RPL38: variants seen among roughly 807,000 people sequenced by gnomAD.
RPL38 encodes the protein large ribosomal subunit protein eL38.
In RPL38, 2 loss-of-function variants were observed where a neutral mutation model predicts 12.8. That is an observed-to-expected ratio of 0.16 (90% confidence interval 0.06 to 0.49). The LOEUF is 0.49. RPL38 is among the 20% of genes least tolerant of loss of function. The pLI is 0.96. For synonymous variants in RPL38, 42 were observed against 30.1 expected, an observed-to-expected ratio of 1.39 and a Z score of -1.29; for missense variants, 52 against 79.8, an observed-to-expected ratio of 0.65 and a Z score of 1.33.
At chr17:74,208,045 C>T (rs1433625909) in intron 3 of RPL38, among the ~76,000 whole-genome samples, 1 of 152,174 alleles carries the variant, frequency 6.6e-6, no homozygotes, top group Admixed American at 6.5e-5. Flanking sequence ...TGCCGAATTG[C>T]TAGGACAAGA....
At position 74,210,655 on chromosome 17, in the gene RPL38, A is replaced by C. The variant is rs746981565; in HGVS notation, c.*826A>C. 9 of 152,208 alleles carry C rather than the reference A, an allele frequency of 5.9e-5. No homozygotes were observed. Among genetic ancestry groups the C allele is most frequent in the Non-Finnish European group, 7.4e-5 (5 of 68,012 alleles). 9.4% of individuals were successfully genotyped at this position (152,208 alleles called of 1,614,324 possible). A position where few individuals can be genotyped will look rare whatever the true frequency, so the allele number is the denominator to read the frequency against. On this transcript the variant is annotated 3_prime_UTR_variant, in exon 5 of 5. Coordinates refer to ENST00000311111, the MANE Select transcript of RPL38 (RefSeq NM_000999.4). ...ATCATAAAATCTGTCTTCATACCCG[A>C]GGTAGTGTTTTTTGTTTTTTTAAGA...
In RPL38 at chr17:74,209,818, G is replaced by C; in HGVS notation, c.202G>C (p.Glu68Gln). Residue 68 changes from glutamate to glutamine, a missense_variant, in exon 5 of 5, where the codon GAA (glutamate) becomes CAA (glutamine). Glu to Gln is a conservative substitution (Grantham distance 29). Transcript: ENST00000311111. ...QSLPPGLAVK[E>Q]LK The stretch of plus-strand genomic sequence containing the variant: ...TTTCCCTCTAGGTTTGGCAGTGAAG[G>C]AACTGAAATGAACCAGACACACTGA... 1 of 1,612,002 alleles carries C rather than the reference G, an allele frequency of 6.2e-7. No individual in the cohort carries two copies. Among genetic ancestry groups the C allele is most frequent in the Non-Finnish European group, 8.5e-7 (1 of 1,178,128 alleles).
intron 3 of RPL38, among the ~76,000 whole-genome samples, chr17:74,207,399 T>C (rs1229981550): frequency 6.6e-6 from 1 of 152,244 alleles, no homozygotes; most frequent in Non-Finnish European, 1.5e-5. Flanking sequence ...TTCTACATTT[T>C]CGCTAGTGTG....
chr17:74,205,474 T>C (rs761957668), intron 3 of RPL38: 1 of 152,184 alleles, frequency 6.6e-6, no homozygotes, highest in South Asian at 2.1e-4. Flanking sequence ...TAGGCAGAGA[T>C]GGGGGTCATA....
In RPL38 at chr17:74,206,745, C is replaced by T. The variant is rs565749161; in HGVS notation, c.65-2442C>T. 2.4e-4 allele frequency among the ~76,000 whole-genome samples: 31 copies of T among 128,456 alleles called. 1 individual carries two copies. Among genetic ancestry groups the T allele is most frequent in the Non-Finnish European group, 3.5e-4 (22 of 63,408 alleles). The allele number at this position is 128,456 out of a possible 152,430, so 84.3% of individuals were successfully genotyped here. A position where few individuals can be genotyped will look rare whatever the true frequency, so the allele number is the denominator to read the frequency against. On this transcript the variant is annotated intron_variant, in intron 3 of 4. Transcript: ENST00000311111. ...TTTTTTTTTTTGACATGGAATGTCA[C>T]TCTGTTGCCCAGACTGGAGAGCAGT...
At chr17:74,205,087 C>T (rs1379572970) in intron 3 of RPL38, 1 of 152,230 alleles carries the variant, frequency 6.6e-6, no homozygotes, top group African/African-American at 2.4e-5. Context: ...TGTTTCCCAG[C>T]TTGTACATAC....
At position 74,209,892 on chromosome 17, in the gene RPL38, C is replaced by T. The variant is rs2050149740; in HGVS notation, c.*63C>T. The T allele has an allele frequency of 7.0e-7, 1 of 1,433,558 alleles. No individual in the cohort carries two copies. Among genetic ancestry groups the T allele is most frequent in the Admixed American group, 1.7e-5 (1 of 59,158 alleles). 88.8% of individuals were successfully genotyped at this position (1,433,558 alleles called of 1,614,324 possible). On this transcript the variant is annotated 3_prime_UTR_variant, in exon 5 of 5. Coordinates refer to ENST00000311111, the MANE Select transcript of RPL38 (RefSeq NM_000999.4). ...ACTAAAAATCCTAAGTGTCTTTCGT[C>T]TTTGCGGATGGGAAAGGGAAAAATG... is the stretch of plus-strand genomic sequence containing the variant.
In RPL38 at chr17:74,209,691, G is replaced by C. The variant is rs2050147190; in HGVS notation, c.188-113G>C. 53 of 887,688 alleles carry C rather than the reference G, an allele frequency of 6.0e-5. 1 individual carries two copies. The South Asian group carries it at 7.1e-4, about 12-fold the overall frequency. The allele number at this position is 887,688 out of a possible 1,614,324, so 55.0% of individuals were successfully genotyped here. On this transcript the variant is annotated intron_variant, in intron 4 of 4. Transcript: ENST00000311111. ...TATTTTAACCGAAACTTCGCTGGTG[G>C]ATCTAATTTCTGAACCTTGTGTGCT... is the stretch of plus-strand genomic sequence containing the variant.
rs560412768 is a variant in RPL38 at position 74,206,369 on chromosome 17, G to A, written c.64+2179G>A. On this transcript the variant is annotated intron_variant, in intron 3 of 4. Transcript: ENST00000311111. ...GGATTGCTTGAATCCAGGAAATTGA[G>A]GCTATAGTGAGCCACGATTATGCTA... The A allele has an allele frequency of 2.6e-5, 4 of 152,174 alleles. No homozygotes were observed. The South Asian group carries it at 8.3e-4, about 32-fold the overall frequency. The allele number at this position is 152,174 out of a possible 1,614,324, so 9.4% of individuals were successfully genotyped here. A position where few individuals can be genotyped will look rare whatever the true frequency, so the allele number is the denominator to read the frequency against.
At position 74,203,712 on chromosome 17, in the gene RPL38, T is replaced by C; in HGVS notation, c.-72T>C. Reference sequence around the variant, plus strand: ...CCTTTTCCCCGGTTGCTGCTTGCTGTGAGTGTCTCTAGGGTGATACGTGGG... The same window carrying C: ...CCTTTTCCCCGGTTGCTGCTTGCTGCGAGTGTCTCTAGGGTGATACGTGGG... On this transcript the variant is annotated 5_prime_UTR_variant, in exon 1 of 5. Coordinates refer to ENST00000311111, the MANE Select transcript of RPL38 (RefSeq NM_000999.4). 1.9e-6 allele frequency: 1 copy of C among 519,902 alleles called. No individual in the cohort carries two copies. Among genetic ancestry groups the C allele is most frequent in the South Asian group, 3.2e-5 (1 of 31,432 alleles). The allele number at this position is 519,902 out of a possible 1,614,324, so 32.2% of individuals were successfully genotyped here.
rs80007821 is a variant in RPL38, at chr17:74,210,276, C to T, written c.*447C>T. 30 of 155,498 alleles carry T rather than the reference C, an allele frequency of 1.9e-4. No homozygotes were observed. The East Asian group carries it at 4.9e-3, about 26-fold the overall frequency. 9.6% of individuals were successfully genotyped at this position (155,498 alleles called of 1,614,324 possible). On this transcript the variant is annotated 3_prime_UTR_variant, in exon 5 of 5. Transcript: ENST00000311111. Reference sequence around the variant, plus strand: ...TAATCTTGAGCATGATCTCAGTCGGCAAATGAGGCCATCTGTTTTCAGCCT... The same window carrying T: ...TAATCTTGAGCATGATCTCAGTCGGTAAATGAGGCCATCTGTTTTCAGCCT...
rs1039360561 is a variant in RPL38, at chr17:74,210,051, G to A, written c.*222G>A. ...GGCTCATCCTGGAGCACAGTGGTGC[G>A]ATATCAGCTCACTACCACCTCCGCC... On this transcript the variant is annotated 3_prime_UTR_variant, in exon 5 of 5. Coordinates refer to ENST00000311111, the MANE Select transcript of RPL38 (RefSeq NM_000999.4). The A allele has an allele frequency of 2.7e-5, 13 of 474,792 alleles. No homozygotes were observed. The highest frequency in any genetic ancestry group is 3.4e-4 in the Middle Eastern group (1 of 2,982). The allele number at this position is 474,792 out of a possible 1,614,324, so 29.4% of individuals were successfully genotyped here. A position where few individuals can be genotyped will look rare whatever the true frequency, so the allele number is the denominator to read the frequency against.
intron 3 of RPL38, 66 bp downstream of exon 3, chr17:74,204,256 TC>T (rs750494518): frequency 1.4e-6 from 2 of 1,448,938 alleles, no homozygotes; most frequent in East Asian, 2.3e-5. Context: ...GGGAGCGTCT[TC>T]CCCGGAATGT....
chr17:74,205,394 C>G (rs942587791), intron 3 of RPL38: 2 of 152,234 alleles, frequency 1.3e-5, no homozygotes, highest in African/African-American at 4.8e-5. Flanking sequence ...CCAGCCGTCT[C>G]TAATGCTCTG....
intron 3 of RPL38, among the ~76,000 whole-genome samples, chr17:74,208,616 C>T (rs1482873345): frequency 6.6e-6 from 1 of 152,136 alleles, no homozygotes; most frequent in African/African-American, 2.4e-5. Context: ...CGTCTCCTTA[C>T]TTTATCACTG....
chr17:74,208,559 T>C (rs1479118795), intron 3 of RPL38, among the ~76,000 whole-genome samples: 1 of 152,194 alleles, frequency 6.6e-6, no homozygotes, highest in Non-Finnish European at 1.5e-5. Flanking sequence ...GGAGGCCTGA[T>C]TTCCGGGAGT....
chr17:74,209,558 G>A, intron 4 of RPL38: 1 of 627,778 alleles, frequency 1.6e-6, no homozygotes. Flanking sequence ...CTTCGAGGTT[G>A]GTGCTAGTAC....
chr17:74,207,936 G>A (rs1312173724), intron 3 of RPL38, among the ~76,000 whole-genome samples: 2 of 152,212 alleles, frequency 1.3e-5, no homozygotes, highest in African/African-American at 2.4e-5. Context: ...TATTAAGAAC[G>A]AGAGTCCAGG....
chr17:74,207,951 C>G (rs1422818708), intron 3 of RPL38, among the ~76,000 whole-genome samples: 3 of 152,158 alleles, frequency 2.0e-5, no homozygotes, highest in Admixed American at 6.5e-5. Flanking sequence ...TCCAGGCAGC[C>G]CGTGCCTTGG....
Sources: allele counts gnomAD v4.1 joint callset (sites outside exome capture counted in the v4.1 genomes callset), GRCh38; gene constraint gnomAD v4.1.1; transcripts MANE v1.5; gene names NCBI Gene and HGNC (gene_info 2026-07-23, HGNC 2026-07-21).